Variants in PACRG observed in about 807,000 individuals in gnomAD.
PACRG encodes the protein parkin coregulated.
Under a neutral mutation model 29.7 loss-of-function variants are expected in PACRG, and 29 were observed. The observed-to-expected ratio is 0.98, with a 90% confidence interval of 0.73 to 1.33. PACRG has a LOEUF of 1.33. Among genes scored for constraint, PACRG ranks in the 40% most tolerant of loss-of-function variants. The pLI is 0.00. For synonymous variants in PACRG, 116 were observed against 118.7 expected, an observed-to-expected ratio of 0.98 and a Z score of 0.15; for missense variants, 279 against 316.2, an observed-to-expected ratio of 0.88 and a Z score of 0.89.
At chr6:162,845,638 C>T (rs1790305398) in intron 2 of PACRG, among the ~76,000 whole-genome samples, 1 of 152,144 alleles carries the variant, frequency 6.6e-6, no homozygotes, top group Non-Finnish European at 1.5e-5. Flanking sequence ...ATATTTCTAA[C>T]ACCACATCAC....
At chr6:163,214,584 ATTTTG>A (rs1056625590) in intron 4 of PACRG, among the ~76,000 whole-genome samples, 2 of 151,476 alleles carry the variant, frequency 1.3e-5, no homozygotes, top group South Asian at 2.1e-4. Flanking sequence ...TTTAATTTTT[ATTTTG>A]TTTTATTTGT....
chr6:163,198,145 C>T (rs1780552390), intron 4 of PACRG, among the ~76,000 whole-genome samples: 2 of 152,212 alleles, frequency 1.3e-5, no homozygotes, highest in South Asian at 4.1e-4. Flanking sequence ...GCATTTCAGT[C>T]TAGCCTTGGA....
chr6:163,001,307 T>C (rs934256483), intron 2 of PACRG, among the ~76,000 whole-genome samples: 6 of 152,254 alleles, frequency 3.9e-5, no homozygotes, highest in African/African-American at 1.4e-4. Context: ...GTGGTGCTAC[T>C]GGCCACGGGG....
intron 1 of PACRG, among the ~76,000 whole-genome samples, chr6:162,768,361 T>C (rs1584291800): frequency 6.6e-6 from 1 of 152,096 alleles, no homozygotes; most frequent in East Asian, 1.9e-4. Flanking sequence ...TTGCCTTTTT[T>C]CTCTGGATGT....
At chr6:162,995,059 C>T (rs1005144212) in intron 2 of PACRG, among the ~76,000 whole-genome samples, 1 of 151,320 alleles carries the variant, frequency 6.6e-6, no homozygotes, top group African/African-American at 2.5e-5. Flanking sequence ...GCTCAGGGGT[C>T]AGGGGTCAGG....
chr6:163,053,612 CTATTA>C (rs913123110), intron 2 of PACRG, among the ~76,000 whole-genome samples: 4 of 152,084 alleles, frequency 2.6e-5, no homozygotes, highest in African/African-American at 7.2e-5. Flanking sequence ...CCTATCTTGT[CTATTA>C]TAATAGTCAT....
chr6:163,193,246 C>T (rs1780297880), intron 4 of PACRG, among the ~76,000 whole-genome samples: 1 of 152,036 alleles, frequency 6.6e-6, no homozygotes, highest in Non-Finnish European at 1.5e-5. Flanking sequence ...TAGAAATATG[C>T]CTTGTGTGCT....
chr6:162,963,783 T>A (rs925062629), intron 2 of PACRG, among the ~76,000 whole-genome samples: 7 of 152,012 alleles, frequency 4.6e-5, no homozygotes, highest in Admixed American at 3.3e-4. Context: ...GGTTGTTCAG[T>A]ATCAACAGAA....
chr6:163,222,893 C>T (rs1781644569), intron 4 of PACRG, among the ~76,000 whole-genome samples: 1 of 152,080 alleles, frequency 6.6e-6, no homozygotes, highest in Non-Finnish European at 1.5e-5. Context: ...TTTGAAAAAT[C>T]ATGTAGAGTT....
At position 163,179,489 on chromosome 6, in the gene PACRG, C is replaced by T. The variant is rs954637788; in HGVS notation, c.613+90081C>T. ...CTGATGAAGGTGGATTGCTTCAGCC[C>T]GGGAAGGAGTTCCAGGCCAGCCTGG... On this transcript the variant is annotated intron_variant, in intron 4 of 4. Coordinates refer to ENST00000366888, the MANE Select transcript of PACRG (RefSeq NM_001080379.2). 3.5e-5 allele frequency: 9 copies of T among 257,160 alleles called. No individual in the cohort carries two copies. The East Asian group carries it at 7.2e-4, about 21-fold the overall frequency. 15.9% of individuals were successfully genotyped at this position (257,160 alleles called of 1,614,324 possible). A position where few individuals can be genotyped will look rare whatever the true frequency, so the allele number is the denominator to read the frequency against.
chr6:163,240,196 G>A (rs1028756384), intron 4 of PACRG, among the ~76,000 whole-genome samples: 3 of 152,120 alleles, frequency 2.0e-5, no homozygotes, highest in Non-Finnish European at 2.9e-5. Context: ...CCGGGCCTGT[G>A]GGGTGAGTGG....
intron 2 of PACRG, among the ~76,000 whole-genome samples, chr6:163,023,233 A>G (rs1195770758): frequency 1.3e-5 from 2 of 150,994 alleles, no homozygotes; most frequent in African/African-American, 2.4e-5. Flanking sequence ...CCCTCCTTCC[A>G]CCCTCCAGTA....
chr6:163,218,474 G>A lies in PACRG; in HGVS notation c.614-96353G>A, dbSNP rs185898764. Among the ~76,000 whole-genome samples, 8 of 152,228 alleles carry A rather than the reference G, an allele frequency of 5.3e-5. No homozygotes were observed. In the East Asian group the frequency reaches 1.5e-3, roughly 29 times the overall value. Reference sequence around the variant, plus strand: ...AGAACTCCTTCCAAGGGCTATGAGTGCTTTCCATGGCCACGTCCTCAACAC... The same window carrying A: ...AGAACTCCTTCCAAGGGCTATGAGTACTTTCCATGGCCACGTCCTCAACAC... On this transcript the variant is annotated intron_variant, in intron 4 of 4. Transcript: ENST00000366888.
At chr6:163,231,338 G>A (rs1164181563) in intron 4 of PACRG, among the ~76,000 whole-genome samples, 1 of 152,216 alleles carries the variant, frequency 6.6e-6, no homozygotes, top group Non-Finnish European at 1.5e-5. Flanking sequence ...ACAGTAGTCT[G>A]TGTCATGTTA....
chr6:162,778,844 C>G (rs112679516), intron 1 of PACRG, among the ~76,000 whole-genome samples: 7 of 152,360 alleles, frequency 4.6e-5, no homozygotes, highest in African/African-American at 1.7e-4. Flanking sequence ...GGGTTGACCC[C>G]TGAGGTTCCA....
chr6:162,861,126 C>T (rs1475303522), intron 2 of PACRG, among the ~76,000 whole-genome samples: 2 of 152,308 alleles, frequency 1.3e-5, no homozygotes, highest in East Asian at 3.9e-4. Flanking sequence ...GGCTTCACAG[C>T]TGGCAGCAAA....
intron 1 of PACRG, among the ~76,000 whole-genome samples, chr6:162,795,578 A>G (rs939829866): frequency 1.3e-5 from 2 of 152,184 alleles, no homozygotes; most frequent in African/African-American, 4.8e-5. Flanking sequence ...AATTTTTTAA[A>G]ATAATTCAGT....
intron 4 of PACRG, among the ~76,000 whole-genome samples, chr6:163,202,388 T>C (rs1209303647): frequency 6.6e-6 from 1 of 152,072 alleles, no homozygotes; most frequent in East Asian, 1.9e-4. Flanking sequence ...TTTATGTGCA[T>C]GTGTGTGTGT....
chr6:162,943,521 C>T (rs546255024), intron 2 of PACRG, among the ~76,000 whole-genome samples: 108 of 152,282 alleles, frequency 7.1e-4, no homozygotes, highest in African/African-American at 2.6e-3. Context: ...TCCTCAGTAG[C>T]AGGGCCGCAG....
Sources: gnomAD v4.1 joint callset for allele counts (sites outside exome capture counted in the v4.1 genomes callset) on GRCh38, gnomAD v4.1.1 for gene constraint, MANE v1.5 for transcripts, NCBI Gene and HGNC (gene_info 2026-07-23, HGNC 2026-07-21) for gene names.